The following CNTNAP2 variants were observed in gnomAD, a reference collection of about 807,000 sequenced individuals.
CNTNAP2 encodes contactin-associated protein-like 2.
In CNTNAP2, 98 loss-of-function variants were observed where a neutral mutation model predicts 155.2. The ratio of observed to expected loss-of-function variants is 0.63; its 90% CI spans 0.54 to 0.75. The LOEUF is 0.75. Ranked by LOEUF, CNTNAP2 falls within the 30% of genes least tolerant of loss-of-function variation. The pLI, the probability that CNTNAP2 is intolerant of heterozygous loss-of-function variation, is 0.00. For synonymous variants in CNTNAP2, 651 were observed against 631.2 expected, an observed-to-expected ratio of 1.03 and a Z score of -0.47; for missense variants, 1,727 against 1,688.1, an observed-to-expected ratio of 1.02 and a Z score of -0.40.
intron 1 of CNTNAP2, among the ~76,000 whole-genome samples, chr7:146,231,196 T>A (rs780489948): frequency 1.3e-5 from 2 of 152,126 alleles, no homozygotes; most frequent in Non-Finnish European, 2.9e-5. Flanking sequence ...GAAATGTTTT[T>A]GGAAAATAGA....
chr7:146,481,783 G>C (rs1048360138), intron 1 of CNTNAP2, among the ~76,000 whole-genome samples: 11 of 152,094 alleles, frequency 7.2e-5, no homozygotes, highest in African/African-American at 2.7e-4. Flanking sequence ...GATCCAGTGG[G>C]CTACATCATA....
At chr7:146,722,038 C>T (rs891014037) in intron 1 of CNTNAP2, among the ~76,000 whole-genome samples, 2 of 150,316 alleles carry the variant, frequency 1.3e-5, no homozygotes, top group African/African-American at 5.0e-5. Context: ...CAGGTGCCGG[C>T]TACCATGCCT....
At chr7:146,819,843 A>G (rs1803241686) in intron 2 of CNTNAP2, among the ~76,000 whole-genome samples, 1 of 152,146 alleles carries the variant, frequency 6.6e-6, no homozygotes, top group Non-Finnish European at 1.5e-5. Flanking sequence ...CATAGTCGCC[A>G]GGAGCTCTCA....
At chr7:147,841,033 A>G (rs1017987090) in intron 13 of CNTNAP2, among the ~76,000 whole-genome samples, 2 of 152,190 alleles carry the variant, frequency 1.3e-5, no homozygotes, top group Non-Finnish European at 2.9e-5. Flanking sequence ...TTCAGCAAAG[A>G]TTATTTCAGC....
At chr7:148,044,992 A>G (rs2527049) in intron 15 of CNTNAP2, among the ~76,000 whole-genome samples, 118,570 of 152,100 alleles carry the variant, frequency 0.78, 47,030 homozygotes, top group African/African-American at 0.93. Flanking sequence ...ACGCCCAGCC[A>G]CCCTGTGTCT....
At chr7:147,033,401 A>G (rs918787076) in intron 3 of CNTNAP2, among the ~76,000 whole-genome samples, 1 of 151,668 alleles carries the variant, frequency 6.6e-6, no homozygotes, top group African/African-American at 2.4e-5. Context: ...GATCTCTGAC[A>G]TCTAGCCACA....
chr7:146,287,277 C>G (rs1457130628), intron 1 of CNTNAP2, among the ~76,000 whole-genome samples: 1 of 152,126 alleles, frequency 6.6e-6, no homozygotes, highest in Non-Finnish European at 1.5e-5. Context: ...GCTCTAAGAT[C>G]AATTTAATAA....
At chr7:147,001,705 C>G (rs1462674506) in intron 3 of CNTNAP2, among the ~76,000 whole-genome samples, 1 of 151,476 alleles carries the variant, frequency 6.6e-6, no homozygotes, top group Non-Finnish European at 1.5e-5. Context: ...TCTTACCACC[C>G]CATGAGGATA....
At chr7:147,640,593 T>C (rs1211020564) in intron 13 of CNTNAP2, among the ~76,000 whole-genome samples, 1 of 152,144 alleles carries the variant, frequency 6.6e-6, no homozygotes, top group Non-Finnish European at 1.5e-5. Context: ...GGGAGCAGTT[T>C]ACAGAGAAGA....
At chr7:148,294,376 G>T (rs565572666) in intron 21 of CNTNAP2, among the ~76,000 whole-genome samples, 1 of 152,132 alleles carries the variant, frequency 6.6e-6, no homozygotes, top group Non-Finnish European at 1.5e-5. Context: ...ACTAAGCATT[G>T]TTAGTTTTAT....
At chr7:147,202,506 A>G (rs1376857354) in intron 8 of CNTNAP2, among the ~76,000 whole-genome samples, 2 of 152,222 alleles carry the variant, frequency 1.3e-5, no homozygotes, top group Admixed American at 6.5e-5. Context: ...CAAACTGTCC[A>G]TTAACCATTG....
At chr7:147,574,106 T>C (rs1286552331) in intron 12 of CNTNAP2, among the ~76,000 whole-genome samples, 2 of 152,190 alleles carry the variant, frequency 1.3e-5, no homozygotes, top group African/African-American at 4.8e-5. Flanking sequence ...ATTGTCTCTT[T>C]CTAGAATGCT....
intron 1 of CNTNAP2, among the ~76,000 whole-genome samples, chr7:146,417,549 T>C (rs982391517): frequency 1.3e-5 from 2 of 152,184 alleles, no homozygotes; most frequent in African/African-American, 4.8e-5. Context: ...GACTGTTTAC[T>C]TACCATTGGA....
chr7:146,505,350 G>T (rs538014846), intron 1 of CNTNAP2, among the ~76,000 whole-genome samples: 2 of 152,148 alleles, frequency 1.3e-5, no homozygotes, highest in Admixed American at 6.6e-5. Flanking sequence ...TACTAACAGG[G>T]GTAAATCATG....
chr7:147,438,079 C>T (rs1797581420), intron 10 of CNTNAP2, among the ~76,000 whole-genome samples: 1 of 151,982 alleles, frequency 6.6e-6, no homozygotes, highest in Non-Finnish European at 1.5e-5. Context: ...TGACTTCTTC[C>T]ATTCCAATTT....
At chr7:146,395,786 TAGATA>T (rs1563068269) in intron 1 of CNTNAP2, among the ~76,000 whole-genome samples, 9,489 of 91,304 alleles carry the variant, frequency 0.1, 414 homozygotes, top group Middle Eastern at 0.2. Flanking sequence ...AGATGATAGA[TAGATA>T]GATAGATAGA....
intron 10 of CNTNAP2, among the ~76,000 whole-genome samples, chr7:147,399,085 A>G (rs1796870033): frequency 6.6e-6 from 1 of 152,068 alleles, no homozygotes; most frequent in Non-Finnish European, 1.5e-5. Flanking sequence ...CCCAGAGAGC[A>G]CAGGCAACGA....
chr7:148,075,592 A>G (rs1803469635), intron 15 of CNTNAP2, among the ~76,000 whole-genome samples: 1 of 152,228 alleles, frequency 6.6e-6, no homozygotes, highest in African/African-American at 2.4e-5. Flanking sequence ...TCACTTTCAG[A>G]TACAAGTGAT....
chr7:146,841,344 G>C (rs1183757643), intron 3 of CNTNAP2, among the ~76,000 whole-genome samples: 1 of 150,656 alleles, frequency 6.6e-6, no homozygotes, highest in African/African-American at 2.4e-5. Flanking sequence ...CAGAGAGAGA[G>C]AGGGGAAGAC....
Sources: gnomAD v4.1 joint callset for allele counts (sites outside exome capture counted in the v4.1 genomes callset) on GRCh38, gnomAD v4.1.1 for gene constraint, MANE v1.5 for transcripts, NCBI Gene and HGNC (gene_info 2026-07-23, HGNC 2026-07-21) for gene names.